Variants in PHACTR3 observed in about 807,000 individuals in gnomAD.
PHACTR3 encodes the protein phosphatase and actin regulator 3, also known as protein phosphatase 1, regulatory subunit 123.
A neutral mutation model predicts 66.8 loss-of-function variants in PHACTR3; 16 were observed. The ratio of observed to expected loss-of-function variants is 0.24; its 90% CI spans 0.16 to 0.36. PHACTR3 has a LOEUF of 0.36. PHACTR3 is among the 10% of genes least tolerant of loss of function. The pLI, the probability that PHACTR3 is intolerant of heterozygous loss-of-function variation, is 1.00. For missense variants in PHACTR3, 647 were observed against 719.9 expected (o/e 0.90, Z 1.16); for synonymous variants, 323 against 292.1 (o/e 1.11, Z -1.08).
At chr20:59,722,407 A>G (rs1235281839) in intron 1 of PHACTR3, among the ~76,000 whole-genome samples, 1 of 152,154 alleles carries the variant, frequency 6.6e-6, no homozygotes, top group African/African-American at 2.4e-5. Context: ...GCTGATTGGA[A>G]GGCCCTGAGG....
chr20:59,826,983 C>T (rs1421265860), intron 8 of PHACTR3, among the ~76,000 whole-genome samples: 4 of 152,158 alleles, frequency 2.6e-5, no homozygotes, highest in Non-Finnish European at 1.5e-5. Flanking sequence ...TCTCCCTGCT[C>T]CCCTCCCTTC....
chr20:59,645,927 G>A (rs1300319860), intron 1 of PHACTR3, among the ~76,000 whole-genome samples: 1 of 152,130 alleles, frequency 6.6e-6, no homozygotes, highest in Non-Finnish European at 1.5e-5. Context: ...TTGAGCCTGG[G>A]GCCTCTGCCC....
chr20:59,635,696 T>C (rs2034877082), intron 1 of PHACTR3, among the ~76,000 whole-genome samples: 1 of 152,266 alleles, frequency 6.6e-6, no homozygotes, highest in Non-Finnish European at 1.5e-5. Context: ...TTTTGGGCAG[T>C]ACATTTGCTG....
At chr20:59,640,229 C>T (rs2035055524) in intron 1 of PHACTR3, among the ~76,000 whole-genome samples, 1 of 152,234 alleles carries the variant, frequency 6.6e-6, no homozygotes, top group Non-Finnish European at 1.5e-5. Flanking sequence ...ATGCTTAGCT[C>T]ACCACATGGA....
rs2034439879 is a variant in PHACTR3 at position 59,626,203 on chromosome 20, A to C, written c.118+21071A>C. On this transcript the variant is annotated intron_variant, in intron 1 of 12. Coordinates refer to ENST00000371015, the MANE Select transcript of PHACTR3 (RefSeq NM_080672.5). The stretch of plus-strand genomic sequence containing the variant: ...GTTTTAAGCCTGTCACCGTTTTTTG[A>C]GTATGCATATAGCTATATATGGCAG... Among the ~76,000 whole-genome samples, 8 of 152,194 alleles carry C rather than the reference A, an allele frequency of 5.3e-5. No individual in the cohort carries two copies. In the South Asian group the frequency reaches 1.7e-3, roughly 31 times the overall value.
intron 1 of PHACTR3, among the ~76,000 whole-genome samples, chr20:59,702,977 G>A (rs73303168): frequency 0.01 from 1,526 of 152,248 alleles, 23 homozygotes; most frequent in African/African-American, 0.035. Flanking sequence ...CTAAACAAGC[G>A]TGTTGTTGCA....
At chr20:59,733,072 CTTTTT>C (rs35384852) in intron 1 of PHACTR3, among the ~76,000 whole-genome samples, 7 of 127,922 alleles carry the variant, frequency 5.5e-5, no homozygotes, top group South Asian at 2.5e-4. Context: ...AAATTCACTC[CTTTTT>C]TTTTTTTTTT....
chr20:59,697,366 C>T (rs80293858), intron 1 of PHACTR3, among the ~76,000 whole-genome samples: 5,137 of 152,228 alleles, frequency 0.034, 119 homozygotes, highest in Middle Eastern at 0.072. Flanking sequence ...CATGACTTTA[C>T]GGAAATAGAA....
chr20:59,645,741 G>A (rs887670623), intron 1 of PHACTR3, among the ~76,000 whole-genome samples: 10 of 152,072 alleles, frequency 6.6e-5, no homozygotes, highest in Non-Finnish European at 7.4e-5. Context: ...TAATGAAACC[G>A]TCATGTTTTA....
rs142791469 is a variant in PHACTR3 at position 59,662,911 on chromosome 20, A to C, written c.118+57779A>C. Reference sequence around the variant, plus strand: ...TCTCCTAGGGCTGCTATAACAAATGACCACAAACTGGGGGGCTTTAAACCA... The same window carrying C: ...TCTCCTAGGGCTGCTATAACAAATGCCCACAAACTGGGGGGCTTTAAACCA... On this transcript the variant is annotated intron_variant, in intron 1 of 12. Transcript: ENST00000371015. 6.8e-4 allele frequency among the ~76,000 whole-genome samples: 104 copies of C among 152,270 alleles called. 2 individuals are homozygous for C. Among genetic ancestry groups the C allele is most frequent in the African/African-American group, 2.3e-3 (97 of 41,546 alleles).
intron 1 of PHACTR3, among the ~76,000 whole-genome samples, chr20:59,653,936 G>A (rs1340683718): frequency 2.0e-5 from 3 of 152,120 alleles, no homozygotes; most frequent in Admixed American, 6.5e-5. Context: ...CCACTAAAAC[G>A]AAGCAGAGTT....
chr20:59,841,259 G>GAAAA (rs2059055255), intron 10 of PHACTR3, 136 bp from the exon 11 acceptor site: 2 of 790,840 alleles, frequency 2.5e-6, no homozygotes, highest in Middle Eastern at 3.8e-4. Context: ...GAGATTGCTT[G>GAAAA]TATTTGGGTT....
intron 1 of PHACTR3, among the ~76,000 whole-genome samples, chr20:59,698,419 A>G (rs1210977332): frequency 6.6e-6 from 1 of 151,830 alleles, no homozygotes; most frequent in African/African-American, 2.4e-5. Flanking sequence ...TCCTTCTGGG[A>G]GTGTTGAATG....
chr20:59,823,124 C>G (rs913090528), intron 8 of PHACTR3, among the ~76,000 whole-genome samples: 2 of 152,172 alleles, frequency 1.3e-5, no homozygotes, highest in Non-Finnish European at 2.9e-5. Context: ...CAGTGGGGAG[C>G]ATTACGTATT....
intron 1 of PHACTR3, among the ~76,000 whole-genome samples, chr20:59,669,273 C>T (rs1175722381): frequency 2.0e-5 from 3 of 152,218 alleles, no homozygotes; most frequent in Non-Finnish European, 4.4e-5. Flanking sequence ...GTTTTCTCAG[C>T]ATTCCCTGTC....
At chr20:59,732,766 G>GA (rs2038813437) in intron 1 of PHACTR3, among the ~76,000 whole-genome samples, 1 of 152,132 alleles carries the variant, frequency 6.6e-6, no homozygotes. Flanking sequence ...TGTATCATGG[G>GA]ATCAATCCAC....
chr20:59,693,500 A>G (rs1242298307), intron 1 of PHACTR3, among the ~76,000 whole-genome samples: 2 of 152,120 alleles, frequency 1.3e-5, no homozygotes, highest in African/African-American at 2.4e-5. Context: ...TCCCCCATCT[A>G]TCAGAGATGA....
intron 8 of PHACTR3, among the ~76,000 whole-genome samples, chr20:59,822,518 C>A (rs771206848): frequency 4.8e-4 from 73 of 151,734 alleles, no homozygotes; most frequent in Middle Eastern, 3.4e-3. Context: ...GCAGAGTGAC[C>A]GTGTTCCACT....
chr20:59,774,552 G>A (rs1468403247), intron 7 of PHACTR3, 62 bp downstream of exon 7: 13 of 1,564,628 alleles, frequency 8.3e-6, no homozygotes, highest in Non-Finnish European at 1.1e-5. Flanking sequence ...GTCACCAGGG[G>A]GTCGAGGACA....
Sources: gnomAD v4.1 joint callset for allele counts (sites outside exome capture counted in the v4.1 genomes callset) on GRCh38, gnomAD v4.1.1 for gene constraint, MANE v1.5 for transcripts, NCBI Gene and HGNC (gene_info 2026-07-23, HGNC 2026-07-21) for gene names.